Variants in ERBB4 observed in about 807,000 individuals in gnomAD.
The protein encoded by ERBB4 is erb-b2 receptor tyrosine kinase 4.
ERBB4 carries 42 observed loss-of-function variants against 158.0 expected under a neutral mutation model. The observed-to-expected ratio is 0.27, with a 90% CI of 0.21 to 0.34. ERBB4 has a LOEUF of 0.34. Among genes scored for constraint, ERBB4 ranks in the 10% least tolerant of loss-of-function variants. The pLI is 1.00. For synonymous variants in ERBB4, 583 were observed against 558.7 expected (o/e 1.04, Z -0.61); for missense variants, 1,333 against 1,624.1 (o/e 0.82, Z 3.08).
intron 5 of ERBB4, among the ~76,000 whole-genome samples, chr2:211,744,486 C>G (rs1358611259): frequency 6.6e-6 from 1 of 152,170 alleles, no homozygotes; most frequent in Non-Finnish European, 1.5e-5. Flanking sequence ...AACCTCTGGC[C>G]TCCCACAGAC....
At chr2:211,912,025 A>C (rs1009814959) in intron 3 of ERBB4, among the ~76,000 whole-genome samples, 1 of 152,070 alleles carries the variant, frequency 6.6e-6, no homozygotes, top group Non-Finnish European at 1.5e-5. Context: ...ATTTTTCTAA[A>C]GAGGTTTTTG....
chr2:211,947,239 C>G (rs1473855002), intron 3 of ERBB4, among the ~76,000 whole-genome samples, 191 bp downstream of exon 3: 1 of 152,118 alleles, frequency 6.6e-6, no homozygotes, highest in African/African-American at 2.4e-5. Flanking sequence ...ATCCTTCACA[C>G]TAAACTTACA....
At chr2:211,393,548 T>C (rs1326529924) in intron 25 of ERBB4, among the ~76,000 whole-genome samples, 10 of 152,204 alleles carry the variant, frequency 6.6e-5, no homozygotes, top group Non-Finnish European at 1.3e-4. Flanking sequence ...CTCAAACAAA[T>C]TCTTACAGTT....
chr2:212,519,225 G>A (rs570622574), intron 1 of ERBB4, among the ~76,000 whole-genome samples: 1 of 151,974 alleles, frequency 6.6e-6, no homozygotes, highest in East Asian at 1.9e-4. Context: ...TTTCTTAAAA[G>A]TACAACAAAT....
At chr2:212,232,567 C>T (rs2083706601) in intron 1 of ERBB4, among the ~76,000 whole-genome samples, 1 of 152,158 alleles carries the variant, frequency 6.6e-6, no homozygotes, top group Non-Finnish European at 1.5e-5. Flanking sequence ...TGCCACCACG[C>T]CTGGCTAACT....
At chr2:212,260,561 C>A (rs1851285) in intron 1 of ERBB4, among the ~76,000 whole-genome samples, 57 of 152,020 alleles carry the variant, frequency 3.7e-4, no homozygotes, top group Admixed American at 1.0e-3. Context: ...GCCTGTAATC[C>A]CAGCACTTTG....
chr2:211,873,532 A>G (rs957583986), intron 3 of ERBB4, among the ~76,000 whole-genome samples: 2 of 152,286 alleles, frequency 1.3e-5, no homozygotes, highest in Non-Finnish European at 2.9e-5. Context: ...TATTTTCACT[A>G]TTTACATACA....
chr2:211,641,401 C>T (rs144754665), intron 16 of ERBB4, among the ~76,000 whole-genome samples: 29 of 152,082 alleles, frequency 1.9e-4, no homozygotes, highest in African/African-American at 6.7e-4. Flanking sequence ...TCATCATTTG[C>T]AAGAGGAACA....
intron 3 of ERBB4, among the ~76,000 whole-genome samples, chr2:211,854,026 G>A (rs1053204125): frequency 6.6e-6 from 1 of 152,036 alleles, no homozygotes; most frequent in Non-Finnish European, 1.5e-5. Flanking sequence ...TTACCTCCAA[G>A]GAAAACAGTA....
intron 3 of ERBB4, among the ~76,000 whole-genome samples, chr2:211,795,652 T>C (rs940167075): frequency 4.0e-5 from 6 of 151,776 alleles, no homozygotes; most frequent in Admixed American, 3.3e-4. Context: ...AGTTTCCAAC[T>C]GGCAAAAACC....
chr2:211,938,720 A>T (rs2080399654), intron 3 of ERBB4, among the ~76,000 whole-genome samples: 1 of 152,146 alleles, frequency 6.6e-6, no homozygotes, highest in South Asian at 2.1e-4. Context: ...GACGGAGGGT[A>T]AATATTTGTC....
chr2:212,329,937 A>G (rs1236836968), intron 1 of ERBB4, among the ~76,000 whole-genome samples: 1 of 152,084 alleles, frequency 6.6e-6, no homozygotes, highest in Non-Finnish European at 1.5e-5. Context: ...AGTGTTACTG[A>G]GGATGTTCTA....
At chr2:212,277,743 G>A (rs895512468) in intron 1 of ERBB4, among the ~76,000 whole-genome samples, 1 of 151,568 alleles carries the variant, frequency 6.6e-6, no homozygotes, top group African/African-American at 2.4e-5. Flanking sequence ...TCCCTTTCTT[G>A]TTCATCTTTA....
intron 18 of ERBB4, among the ~76,000 whole-genome samples, chr2:211,621,625 T>A (rs10469656): frequency 6.6e-6 from 1 of 152,018 alleles, no homozygotes. Flanking sequence ...TCTTGAGTTA[T>A]AGGGTATCCA....
rs558751702 is a variant in ERBB4 at position 211,411,372 on chromosome 2, G to A, written c.3135+9069C>T. Among the ~76,000 whole-genome samples the A allele has an allele frequency of 2.6e-5, 4 of 152,258 alleles. No homozygotes were observed. The South Asian group carries it at 8.3e-4, about 32-fold the overall frequency. ...TATTTGAAAGGTTTCTCAAATTAGT[G>A]GAAAATCAGAGGGGTCAGAACCATT... On this transcript the variant is annotated intron_variant, in intron 25 of 27. Transcript: ENST00000342788.
chr2:212,455,053 C>G (rs951970317), intron 1 of ERBB4, among the ~76,000 whole-genome samples: 1 of 152,032 alleles, frequency 6.6e-6, no homozygotes, highest in East Asian at 1.9e-4. Context: ...TCAAATAGGT[C>G]GTGAGAAATT....
intron 1 of ERBB4, among the ~76,000 whole-genome samples, chr2:212,221,924 ATAAGG>A (rs1303586387): frequency 2.0e-5 from 3 of 151,606 alleles, no homozygotes; most frequent in Non-Finnish European, 4.4e-5. Context: ...TATAAAAATT[ATAAGG>A]TAAGGCCAGC....
chr2:212,122,040 T>C (rs2079766102), intron 2 of ERBB4, among the ~76,000 whole-genome samples: 2 of 102,686 alleles, frequency 1.9e-5, no homozygotes, highest in East Asian at 4.0e-4. Context: ...GATAATATTT[T>C]ATATTTATAT....
At chr2:212,018,873 T>C (rs2076583989) in intron 2 of ERBB4, among the ~76,000 whole-genome samples, 1 of 152,104 alleles carries the variant, frequency 6.6e-6, no homozygotes, top group African/African-American at 2.4e-5. Context: ...AATAAAAGAT[T>C]TATTTACAAA....
Sources: gnomAD v4.1 joint callset for allele counts (sites outside exome capture counted in the v4.1 genomes callset) on GRCh38, gnomAD v4.1.1 for gene constraint, MANE v1.5 for transcripts, NCBI Gene and HGNC (gene_info 2026-07-23, HGNC 2026-07-21) for gene names.